The following PIK3C2G variants were observed in gnomAD, a reference collection of about 807,000 sequenced individuals.
PIK3C2G encodes the protein phosphatidylinositol-4-phosphate 3-kinase catalytic subunit type 2 gamma.
In PIK3C2G, 168 loss-of-function variants were observed where a neutral mutation model predicts 181.1. The ratio of observed to expected loss-of-function variants is 0.93; its 90% CI spans 0.82 to 1.05. The LOEUF (loss-of-function observed/expected upper bound fraction) is 1.05, where lower values mean the gene tolerates loss of function less well. PIK3C2G is among the 50% of genes least tolerant of loss of function. The pLI is 0.00. For missense variants in PIK3C2G, 1,869 were observed against 1,732.8 expected (o/e 1.08, Z -1.40); for synonymous variants, 573 against 592.2 (o/e 0.97, Z 0.47).
chr12:18,302,494 G>A (rs1290092688), intron 5 of PIK3C2G, among the ~76,000 whole-genome samples: 1 of 152,144 alleles, frequency 6.6e-6, no homozygotes, highest in Non-Finnish European at 1.5e-5. Context: ...TGGGCAGGGC[G>A]ATCCTCAGGA....
At chr12:18,435,015 A>G (rs1946372454) in intron 18 of PIK3C2G, among the ~76,000 whole-genome samples, 1 of 150,572 alleles carries the variant, frequency 6.6e-6, no homozygotes, top group African/African-American at 2.4e-5. Flanking sequence ...TGGAGGGCTC[A>G]TTATTAAGAT....
chr12:18,251,042 AAG>A (rs1176855344), intron 1 of PIK3C2G, among the ~76,000 whole-genome samples: 3 of 152,128 alleles, frequency 2.0e-5, no homozygotes, highest in African/African-American at 7.2e-5. Flanking sequence ...GAAATCAGAA[AAG>A]AGAGTAGAAT....
chr12:18,490,727 T>C (rs992591923), intron 19 of PIK3C2G, among the ~76,000 whole-genome samples: 2 of 152,178 alleles, frequency 1.3e-5, no homozygotes, highest in African/African-American at 2.4e-5. Context: ...CTTTTTATGG[T>C]TGGATAGTAC....
At chr12:18,701,982 A>G in the PIK3C2G span, among the ~76,000 whole-genome samples, 1 of 152,200 alleles carries the variant, frequency 6.6e-6, no homozygotes, top group Non-Finnish European at 1.5e-5. Context: ...TCACCAAAAA[A>G]TAAGCCTGTT....
chr12:18,324,507 C>T (rs774011793), intron 7 of PIK3C2G, among the ~76,000 whole-genome samples: 1 of 152,166 alleles, frequency 6.6e-6, no homozygotes, highest in Non-Finnish European at 1.5e-5. Context: ...AACAGCGAAG[C>T]TCAGAAGAAT....
At chr12:18,625,442 A>G (rs1470833549) in intron 31 of PIK3C2G, among the ~76,000 whole-genome samples, 1 of 151,806 alleles carries the variant, frequency 6.6e-6, no homozygotes, top group Admixed American at 6.6e-5. Context: ...GGCCTAACAT[A>G]TGATCTGTCC....
At chr12:18,659,404 C>T in the PIK3C2G span, among the ~76,000 whole-genome samples, 67,117 of 151,838 alleles carry the variant, frequency 0.44, 15,340 homozygotes, top group South Asian at 0.57. Flanking sequence ...TGGGATTAAG[C>T]GGCTGACCTG....
At chr12:18,671,868 CA>C in the PIK3C2G span, among the ~76,000 whole-genome samples, 1 of 152,136 alleles carries the variant, frequency 6.6e-6, no homozygotes, top group African/African-American at 2.4e-5. Context: ...AAGGCGCCTG[CA>C]GATTCAATGT....
chr12:18,411,832 A>G (rs1418875445), intron 16 of PIK3C2G, among the ~76,000 whole-genome samples: 1 of 152,170 alleles, frequency 6.6e-6, no homozygotes, highest in Non-Finnish European at 1.5e-5. Context: ...TAAAAGGTTG[A>G]CATTTGTTAC....
chr12:18,259,055 T>G (rs2136984700), upstream of PIK3C2G, among the ~76,000 whole-genome samples: 1 of 152,268 alleles, frequency 6.6e-6, no homozygotes, highest in East Asian at 1.9e-4. Context: ...ATTACCTGTA[T>G]CTGCCTTCAT....
chr12:18,677,777 T>A, the PIK3C2G span, among the ~76,000 whole-genome samples: 2 of 152,104 alleles, frequency 1.3e-5, no homozygotes, highest in African/African-American at 4.8e-5. Flanking sequence ...AATAATTATT[T>A]GTGTTTTCTA....
At chr12:18,501,805 A>G (rs1941506644) in intron 22 of PIK3C2G, among the ~76,000 whole-genome samples, 2 of 152,228 alleles carry the variant, frequency 1.3e-5, no homozygotes, top group Non-Finnish European at 1.5e-5. Context: ...TCCCTAGATC[A>G]ACGTAGTTGG....
chr12:18,609,734 C>T (rs1040988301), intron 31 of PIK3C2G, 105 bp downstream of exon 31: 7 of 657,956 alleles, frequency 1.1e-5, no homozygotes, highest in Admixed American at 5.2e-5. Context: ...TGGGTATCTC[C>T]GCCAAGTTTA....
At chr12:18,577,530 T>C (rs1592628969) in intron 29 of PIK3C2G, among the ~76,000 whole-genome samples, 1 of 152,206 alleles carries the variant, frequency 6.6e-6, no homozygotes, top group South Asian at 2.1e-4. Flanking sequence ...TAAAATCTAA[T>C]GGGAGAAGGC....
At chr12:18,555,601 A>C (rs1430260372) in intron 26 of PIK3C2G, among the ~76,000 whole-genome samples, 1 of 152,090 alleles carries the variant, frequency 6.6e-6, no homozygotes, top group East Asian at 1.9e-4. Flanking sequence ...GATAGGACCT[A>C]AGGCTTAAGA....
intron 26 of PIK3C2G, 34 bp from the exon 27 acceptor site, chr12:18,562,669 G>A: frequency 7.9e-7 from 1 of 1,273,146 alleles, no homozygotes; most frequent in Non-Finnish European, 1.1e-6. Context: ...GCAGAGGAGT[G>A]TCACTCACTA....
intron 11 of PIK3C2G, among the ~76,000 whole-genome samples, chr12:18,358,240 C>T (rs1040616675): frequency 3.3e-5 from 5 of 152,206 alleles, no homozygotes; most frequent in Admixed American, 1.3e-4. Flanking sequence ...ACCAAACTAA[C>T]ATTTGCCAGT....
chr12:18,521,004 T>C (rs1163100827), intron 24 of PIK3C2G, among the ~76,000 whole-genome samples: 1 of 152,178 alleles, frequency 6.6e-6, no homozygotes, highest in Non-Finnish European at 1.5e-5. Flanking sequence ...AGGTCCCTCT[T>C]CTGTAGGGCT....
chr12:18,287,176 T>C (rs1469287816), intron 3 of PIK3C2G, among the ~76,000 whole-genome samples: 1 of 152,208 alleles, frequency 6.6e-6, no homozygotes, highest in African/African-American at 2.4e-5. Flanking sequence ...TTTATAAATT[T>C]GGACATGCAC....
Sources: gnomAD v4.1 joint callset for allele counts (sites outside exome capture counted in the v4.1 genomes callset) on GRCh38, gnomAD v4.1.1 for gene constraint, MANE v1.5 for transcripts, NCBI Gene and HGNC (gene_info 2026-07-23, HGNC 2026-07-21) for gene names.